The following CNOT4 variants were observed in gnomAD, a reference collection of about 807,000 sequenced individuals.
CNOT4 encodes the protein CCR4-associated factor 4.
CNOT4 carries 8 observed loss-of-function variants against 73.8 expected under a neutral mutation model. The observed-to-expected ratio is 0.11, with a 90% CI of 0.06 to 0.20. The LOEUF (loss-of-function observed/expected upper bound fraction) is 0.20, where lower values mean the gene tolerates loss of function less well. Among genes scored for constraint, CNOT4 ranks in the 10% least tolerant of loss-of-function variants. The pLI, the probability that CNOT4 is intolerant of heterozygous loss-of-function variation, is 1.00. For missense variants in CNOT4, 564 were observed against 883.4 expected (o/e 0.64, Z 4.58); for synonymous variants, 293 against 321.1 (o/e 0.91, Z 0.94).
intron 10 of CNOT4, among the ~76,000 whole-genome samples, chr7:135,382,914 T>C (rs1795926956): frequency 6.6e-6 from 1 of 152,172 alleles, no homozygotes; most frequent in African/African-American, 2.4e-5. Flanking sequence ...GGGATGACAG[T>C]ATACGGTATC....
chr7:135,386,168 T>TC (rs947159135), intron 10 of CNOT4: 1 of 151,260 alleles, frequency 6.6e-6, no homozygotes, highest in African/African-American at 2.4e-5. Context: ...TTTTTTTTTT[T>TC]TTGATGGGAG....
intron 10 of CNOT4, among the ~76,000 whole-genome samples, chr7:135,369,746 C>T (rs1016103578): frequency 5.0e-4 from 76 of 152,286 alleles, no homozygotes; most frequent in African/African-American, 1.6e-3. Context: ...CCCCCACACC[C>T]CTCCCTCTTA....
At chr7:135,425,992 G>A (rs1349459844) in intron 2 of CNOT4, among the ~76,000 whole-genome samples, 1 of 151,378 alleles carries the variant, frequency 6.6e-6, no homozygotes, top group East Asian at 2.0e-4. Flanking sequence ...CTTAGGGAGG[G>A]TGAGGTAGGA....
intron 1 of CNOT4, among the ~76,000 whole-genome samples, chr7:135,440,054 T>A: frequency 6.6e-6 from 1 of 151,150 alleles, no homozygotes. Flanking sequence ...AAACAAAAAT[T>A]CAGAAGCCAT....
intron 1 of CNOT4, among the ~76,000 whole-genome samples, chr7:135,459,622 A>G (rs1800751098): frequency 6.6e-6 from 1 of 152,200 alleles, no homozygotes; most frequent in African/African-American, 2.4e-5. Context: ...AAGATCATAA[A>G]GTCCCTCATA....
chr7:135,397,953 G>C (rs1262841509), intron 8 of CNOT4, among the ~76,000 whole-genome samples: 2 of 151,946 alleles, frequency 1.3e-5, no homozygotes, highest in African/African-American at 4.8e-5. Context: ...AATAGTATCT[G>C]GTCATAATGA....
chr7:135,466,918 C>T (rs1801258408), intron 1 of CNOT4, among the ~76,000 whole-genome samples: 1 of 152,212 alleles, frequency 6.6e-6, no homozygotes, highest in South Asian at 2.1e-4. Context: ...TGTGTAAGTA[C>T]ACTCCATGAC....
At chr7:135,395,937 C>G (rs1210780261) in intron 8 of CNOT4, 54 bp from the exon 9 acceptor site, 14 of 1,298,004 alleles carry the variant, frequency 1.1e-5, no homozygotes, top group Non-Finnish European at 1.4e-5. Flanking sequence ...TTTTAATAAG[C>G]CACAATTAAA....
rs1799280955 is a variant in CNOT4 at position 135,438,361 on chromosome 7, TTA to T, written c.-32_-31del. The T allele has an allele frequency of 6.4e-7, 1 of 1,553,968 alleles. No individual in the cohort carries two copies. On this transcript the variant is annotated 5_prime_UTR_variant, in exon 2 of 12. Coordinates refer to ENST00000541284, the MANE Select transcript of CNOT4 (RefSeq NM_001190850.2). ...ACGTTTATTAAACAGCAGCAAAAGT[TTA>T]TAATAATTTAAGGGAGAAGGAAGTT...
At chr7:135,468,011 T>C (rs1427303392) in intron 1 of CNOT4, among the ~76,000 whole-genome samples, 1 of 151,714 alleles carries the variant, frequency 6.6e-6, no homozygotes, top group Non-Finnish European at 1.5e-5. Flanking sequence ...GTCAGAAGAT[T>C]GAGACCATCC....
In CNOT4 at chr7:135,372,816, A is replaced by AGG. The variant is rs1201679267; in HGVS notation, c.1628-8751_1628-8750insCC. 2.6e-5 allele frequency among the ~76,000 whole-genome samples: 4 copies of AGG among 152,222 alleles called. No homozygotes were observed. In the East Asian group the frequency reaches 7.7e-4, roughly 29 times the overall value. On this transcript the variant is annotated intron_variant, in intron 10 of 11. Transcript: ENST00000541284. The stretch of plus-strand genomic sequence containing the variant: ...GTGATCCACCAGCCTCAGCCTCCCA[A>AGG]AGTGCTGGGATTACAGGCGTGAGCC...
intron 1 of CNOT4, among the ~76,000 whole-genome samples, chr7:135,506,854 AAAG>A (rs1291558600): frequency 6.6e-6 from 1 of 151,982 alleles, no homozygotes; most frequent in African/African-American, 2.4e-5. Flanking sequence ...TCAAAAAAAA[AAAG>A]AAAAGAAAAG....
At chr7:135,464,454 G>A (rs1403456478) in intron 1 of CNOT4, among the ~76,000 whole-genome samples, 1 of 152,166 alleles carries the variant, frequency 6.6e-6, no homozygotes, top group Non-Finnish European at 1.5e-5. Flanking sequence ...AATACTGCAT[G>A]TTCTCACTTA....
At chr7:135,467,554 A>T (rs1801299872) in intron 1 of CNOT4, among the ~76,000 whole-genome samples, 2 of 152,188 alleles carry the variant, frequency 1.3e-5, no homozygotes, top group South Asian at 4.2e-4. Flanking sequence ...CCACAAAAAT[A>T]AAAAATAAAT....
intron 10 of CNOT4, chr7:135,388,796 A>G (rs1163786129): frequency 1.4e-5 from 23 of 1,611,764 alleles, no homozygotes; most frequent in Non-Finnish European, 2.0e-5. Context: ...TTCTGTTGTC[A>G]GGCCACAGTA....
At chr7:135,430,725 A>G (rs1164572117) in intron 2 of CNOT4, among the ~76,000 whole-genome samples, 1 of 152,238 alleles carries the variant, frequency 6.6e-6, no homozygotes, top group African/African-American at 2.4e-5. Flanking sequence ...AATAGTATCA[A>G]AAAAGGTATT....
intron 7 of CNOT4, among the ~76,000 whole-genome samples, chr7:135,406,814 T>C (rs986489817): frequency 1.3e-5 from 2 of 152,186 alleles, no homozygotes; most frequent in South Asian, 2.1e-4. Context: ...AAAACAGTTA[T>C]GAATGTGCTC....
intron 1 of CNOT4, among the ~76,000 whole-genome samples, chr7:135,449,551 G>C (rs80224307): frequency 6.6e-6 from 1 of 152,004 alleles, no homozygotes; most frequent in Non-Finnish European, 1.5e-5. Context: ...GAACCATAAA[G>C]GAAGCCATAA....
chr7:135,485,335 G>T (rs759753925), intron 1 of CNOT4, among the ~76,000 whole-genome samples: 5 of 152,186 alleles, frequency 3.3e-5, no homozygotes, highest in Non-Finnish European at 5.9e-5. Context: ...CTCCCAAAGT[G>T]CTGGGATTAC....
Sources: allele counts gnomAD v4.1 joint callset (sites outside exome capture counted in the v4.1 genomes callset), GRCh38; gene constraint gnomAD v4.1.1; transcripts MANE v1.5; gene names NCBI Gene and HGNC (gene_info 2026-07-23, HGNC 2026-07-21).